NUP210L: variants seen among roughly 807,000 people sequenced by gnomAD.
The protein encoded by NUP210L is nuclear pore membrane glycoprotein 210-like.
Under a neutral mutation model 208.5 loss-of-function variants are expected in NUP210L, and 74 were observed. The observed-to-expected ratio is 0.35, with a 90% CI of 0.29 to 0.43. The LOEUF (loss-of-function observed/expected upper bound fraction) is 0.43, where lower values mean the gene tolerates loss of function less well. NUP210L is among the 20% of genes least tolerant of loss of function. The pLI is 1.00. For synonymous variants in NUP210L, 780 were observed against 816.9 expected (o/e 0.95, Z 0.77); for missense variants, 1,843 against 2,289.4 (o/e 0.81, Z 3.98).
chr1:154,082,862 G>C (rs1045693663), intron 16 of NUP210L, among the ~76,000 whole-genome samples: 2 of 152,092 alleles, frequency 1.3e-5, no homozygotes, highest in Non-Finnish European at 2.9e-5. Flanking sequence ...ATTCCTCCCA[G>C]TGGGTTCATC....
chr1:154,017,182 G>A (rs1427305784), intron 33 of NUP210L, among the ~76,000 whole-genome samples: 2 of 151,750 alleles, frequency 1.3e-5, no homozygotes, highest in Non-Finnish European at 2.9e-5. Flanking sequence ...TCAGGAGGCT[G>A]AGGCATGAGA....
chr1:154,042,106 T>G (rs944487205), intron 27 of NUP210L, among the ~76,000 whole-genome samples: 1 of 150,200 alleles, frequency 6.7e-6, no homozygotes, highest in African/African-American at 2.4e-5. Context: ...CTCTCTCTCT[T>G]TTTTTTTTTC....
chr1:154,149,085 C>CTTTTTTTTTT (rs1272589191), intron 2 of NUP210L, among the ~76,000 whole-genome samples: 170 of 84,198 alleles, frequency 2.0e-3, no homozygotes, highest in African/African-American at 7.6e-3. Flanking sequence ...CAGAAAACTT[C>CTTTTTTTTTT]TCTTTTTTTT....
chr1:154,088,377 T>G (rs1376252276), intron 16 of NUP210L, among the ~76,000 whole-genome samples: 1 of 151,754 alleles, frequency 6.6e-6, no homozygotes, highest in Non-Finnish European at 1.5e-5. Context: ...AATAGGGTGA[T>G]GGAGAATCAT....
At chr1:154,001,700 T>A (rs748949435) in intron 36 of NUP210L, 35 bp downstream of exon 36, 7 of 1,598,406 alleles carry the variant, frequency 4.4e-6, no homozygotes, top group Non-Finnish European at 1.7e-6. Flanking sequence ...AAATTCCTGA[T>A]CTCTTGTTCT....
chr1:154,051,041 T>G (rs907480153), intron 25 of NUP210L, among the ~76,000 whole-genome samples: 3 of 152,328 alleles, frequency 2.0e-5, no homozygotes, highest in Middle Eastern at 3.4e-3. Context: ...TCCACACTGA[T>G]GAGCAACTGA....
At chr1:154,055,574 T>G (rs1172541258) in intron 23 of NUP210L, among the ~76,000 whole-genome samples, 1 of 152,060 alleles carries the variant, frequency 6.6e-6, no homozygotes, top group African/African-American at 2.4e-5. Context: ...TCCTTAATTT[T>G]TGGCAGAGAT....
At chr1:154,089,586 T>A in exon 16 of NUP210L, 1 of 1,614,032 alleles carries the variant, frequency 6.2e-7, no homozygotes, top group Non-Finnish European at 8.5e-7. Flanking sequence ...CAATTCGGAA[T>A]GTGAGAACCT....
chr1:154,038,743 G>C (rs1652700031), intron 27 of NUP210L, among the ~76,000 whole-genome samples: 1 of 152,146 alleles, frequency 6.6e-6, no homozygotes, highest in Non-Finnish European at 1.5e-5. Flanking sequence ...TTATAGGTGT[G>C]AGCCAACGTG....
intron 10 of NUP210L, among the ~76,000 whole-genome samples, chr1:154,122,811 C>A (rs553753796): frequency 2.0e-5 from 3 of 152,230 alleles, no homozygotes; most frequent in African/African-American, 7.2e-5. Context: ...CTAATCCCAG[C>A]ACCTTGGGAG....
chr1:154,051,158 G>T (rs1349473223), intron 25 of NUP210L, among the ~76,000 whole-genome samples: 4 of 152,124 alleles, frequency 2.6e-5, no homozygotes, highest in Non-Finnish European at 5.9e-5. Context: ...TAACTGAAGG[G>T]AATCAAATGG....
exon 32 of NUP210L, chr1:154,022,181 C>G: frequency 6.2e-7 from 1 of 1,614,018 alleles, no homozygotes; most frequent in Non-Finnish European, 8.5e-7. Context: ...CAAAGGTAAG[C>G]TTGGTGTCTG....
At chr1:154,054,110 G>GCA in intron 25 of NUP210L, 118 bp downstream of exon 25, 1 of 929,690 alleles carries the variant, frequency 1.1e-6, no homozygotes, top group East Asian at 2.5e-5. Flanking sequence ...CCAGGTAGGG[G>GCA]CACTCTAAGG....
intron 25 of NUP210L, among the ~76,000 whole-genome samples, chr1:154,050,038 C>T (rs1279716337): frequency 6.6e-6 from 1 of 151,960 alleles, no homozygotes; most frequent in Admixed American, 6.6e-5. Context: ...TTGTGCTGCC[C>T]CCACTCGAGA....
exon 5 of NUP210L, chr1:154,139,825 G>C: frequency 6.2e-7 from 1 of 1,612,202 alleles, no homozygotes; most frequent in Non-Finnish European, 8.5e-7. Context: ...TCATGAATTC[G>C]AACTTTTACA....
intron 32 of NUP210L, among the ~76,000 whole-genome samples, chr1:154,020,729 G>A (rs1651503920): frequency 6.6e-6 from 1 of 151,782 alleles, no homozygotes; most frequent in South Asian, 2.1e-4. Flanking sequence ...GTTTCACCAT[G>A]CTGGCCAGGA....
chr1:154,061,088 T>C, intron 18 of NUP210L, 42 bp from the exon 19 acceptor site: 1 of 1,436,102 alleles, frequency 7.0e-7, no homozygotes, highest in Non-Finnish European at 9.8e-7. Context: ...TATAAACATC[T>C]AATTCTTGGC....
chr1:154,024,461 T>G (rs1651742356), intron 30 of NUP210L, among the ~76,000 whole-genome samples: 1 of 152,156 alleles, frequency 6.6e-6, no homozygotes, highest in Non-Finnish European at 1.5e-5. Context: ...TCTAAAATTT[T>G]TTTTCGTGTT....
chr1:154,089,061 T>C (rs150320372), intron 16 of NUP210L, among the ~76,000 whole-genome samples: 54 of 152,272 alleles, frequency 3.5e-4, no homozygotes, highest in African/African-American at 1.2e-3. Flanking sequence ...AGATCTCAAG[T>C]GTCTATTGCC....
Sources: gnomAD v4.1 joint callset for allele counts (sites outside exome capture counted in the v4.1 genomes callset) on GRCh38, gnomAD v4.1.1 for gene constraint, MANE v1.5 for transcripts, NCBI Gene and HGNC (gene_info 2026-07-23, HGNC 2026-07-21) for gene names.